The following TP63 variants were observed in gnomAD, a reference collection of about 807,000 sequenced individuals.
The protein encoded by TP63 is tumor protein 63.
Under a neutral mutation model 82.8 loss-of-function variants are expected in TP63, and 17 were observed. The ratio of observed to expected loss-of-function variants is 0.21; its 90% CI spans 0.14 to 0.31. The LOEUF is 0.31. Among genes scored for constraint, TP63 ranks in the 10% least tolerant of loss-of-function variants. TP63 has a pLI of 1.00. For missense variants in TP63, 648 were observed against 895.3 expected, an observed-to-expected ratio of 0.72 and a Z score of 3.52; for synonymous variants, 330 against 321.7, an observed-to-expected ratio of 1.03 and a Z score of -0.28.
intron 9 of TP63, among the ~76,000 whole-genome samples, chr3:189,870,314 GA>G (rs1235426527): frequency 6.6e-6 from 1 of 151,400 alleles, no homozygotes; most frequent in South Asian, 2.1e-4. Flanking sequence ...AAAATAGTTG[GA>G]AAAAAACAAT....
intron 1 of TP63, among the ~76,000 whole-genome samples, chr3:189,694,135 C>T (rs926405508): frequency 5.3e-5 from 8 of 152,106 alleles, no homozygotes; most frequent in Non-Finnish European, 1.2e-4. Context: ...ATAGTATATC[C>T]TTCACTTCCT....
chr3:189,829,158 A>G (rs1158418838), intron 4 of TP63, among the ~76,000 whole-genome samples: 2 of 152,234 alleles, frequency 1.3e-5, no homozygotes, highest in East Asian at 1.9e-4. Context: ...GGCAGATACC[A>G]TATTACCAAA....
chr3:189,840,502 G>A (rs1577077153), intron 4 of TP63, among the ~76,000 whole-genome samples: 1 of 151,010 alleles, frequency 6.6e-6, no homozygotes, highest in South Asian at 2.1e-4. Flanking sequence ...CAGAGAGAGA[G>A]ATGGGAGAGG....
chr3:189,616,480 TG>T, the TP63 span, among the ~76,000 whole-genome samples: 3 of 152,244 alleles, frequency 2.0e-5, no homozygotes, highest in Non-Finnish European at 2.9e-5. Flanking sequence ...CAGATACAGC[TG>T]GTTGTCTTTG....
chr3:189,848,104 C>A (rs2108757997), intron 4 of TP63, among the ~76,000 whole-genome samples: 1 of 152,296 alleles, frequency 6.6e-6, no homozygotes, highest in East Asian at 1.9e-4. Flanking sequence ...TTGAGCAAAT[C>A]TCTTCTCCTT....
chr3:189,856,030 G>C (rs1716252925), intron 4 of TP63, among the ~76,000 whole-genome samples: 1 of 151,640 alleles, frequency 6.6e-6, no homozygotes, highest in Non-Finnish European at 1.5e-5. Flanking sequence ...CAATGGGCTG[G>C]CATAATCAAA....
intron 4 of TP63, among the ~76,000 whole-genome samples, chr3:189,835,385 G>A (rs1051324459): frequency 2.0e-5 from 3 of 152,234 alleles, no homozygotes; most frequent in Middle Eastern, 3.4e-3. Context: ...TAACTGTATC[G>A]TTTTTACTTT....
chr3:189,695,445 G>A (rs181647362), intron 1 of TP63, among the ~76,000 whole-genome samples: 1 of 152,282 alleles, frequency 6.6e-6, no homozygotes, highest in East Asian at 1.9e-4. Context: ...CATAGAAGCA[G>A]CTACTTATCC....
At chr3:189,602,114 C>T in the TP63 span, among the ~76,000 whole-genome samples, 1 of 152,160 alleles carries the variant, frequency 6.6e-6, no homozygotes, top group Non-Finnish European at 1.5e-5. Flanking sequence ...CTACATCTCT[C>T]CTCTCTTCTC....
chr3:189,866,801 A>T lies in TP63; in HGVS notation c.882+4A>T. On this transcript the variant is annotated splice_donor_region_variant and intron_variant, in intron 6 of 13. Transcript: ENST00000264731. ...GGTACCTTATGAGCCACCCCAGGTAAAAAGCAAAAAACCAAACCAAAAAAC... is the reference window on the plus strand; with the variant it reads ...GGTACCTTATGAGCCACCCCAGGTATAAAGCAAAAAACCAAACCAAAAAAC... 1 of 1,613,988 alleles carries T rather than the reference A, an allele frequency of 6.2e-7. No individual in the cohort carries two copies.
At chr3:189,882,329 T>G (rs1720003605) in intron 10 of TP63, among the ~76,000 whole-genome samples, 1 of 152,164 alleles carries the variant, frequency 6.6e-6, no homozygotes, top group African/African-American at 2.4e-5. Context: ...AAATTACAGT[T>G]TTCCCATCTA....
At chr3:189,836,868 A>G (rs1247255648) in intron 4 of TP63, among the ~76,000 whole-genome samples, 1 of 152,206 alleles carries the variant, frequency 6.6e-6, no homozygotes, top group Admixed American at 6.5e-5. Context: ...GCTAATAATA[A>G]TCCCTTTCTG....
intron 11 of TP63, among the ~76,000 whole-genome samples, chr3:189,888,160 A>C (rs1443060168): frequency 6.6e-6 from 1 of 151,972 alleles, no homozygotes; most frequent in East Asian, 1.9e-4. Context: ...GCCTGGCCAC[A>C]CATTCATATT....
rs1037413981 is a variant in TP63, at chr3:189,652,367, C to G, written c.62+20790C>G. Among the ~76,000 whole-genome samples the G allele has an allele frequency of 5.4e-5, 8 of 147,056 alleles. 1 individual carries two copies. The highest frequency in any genetic ancestry group is 1.2e-4 in the Non-Finnish European group (8 of 67,272). The stretch of plus-strand genomic sequence containing the variant: ...ATTTAAGGACTGCCCTGTTGGATTT[C>G]AACCTTGCATGGGGCCTATAGCTCC... On this transcript the variant is annotated intron_variant, in intron 1 of 13. Transcript: ENST00000264731.
intron 3 of TP63, among the ~76,000 whole-genome samples, chr3:189,770,537 C>G (rs139742420): frequency 2.0e-5 from 3 of 151,548 alleles, no homozygotes; most frequent in African/African-American, 7.3e-5. Context: ...TGCACTCCAG[C>G]CTGGCCAACA....
At chr3:189,811,201 A>G (rs774321464) in intron 4 of TP63, among the ~76,000 whole-genome samples, 18 of 152,306 alleles carry the variant, frequency 1.2e-4, no homozygotes, top group East Asian at 3.9e-4. Context: ...CAGATGAGAA[A>G]GAGGATGAGA....
upstream of TP63, among the ~76,000 whole-genome samples, chr3:189,628,576 A>G (rs907092986): frequency 6.6e-6 from 1 of 152,060 alleles, no homozygotes; most frequent in African/African-American, 2.4e-5. Flanking sequence ...CTTCACAAAC[A>G]TCATTTAAAC....
At chr3:189,765,140 G>T (rs1259227470) in intron 3 of TP63, among the ~76,000 whole-genome samples, 1 of 151,932 alleles carries the variant, frequency 6.6e-6, no homozygotes, top group African/African-American at 2.4e-5. Context: ...ATTTAACCAA[G>T]ATATTTTATT....
intron 3 of TP63, among the ~76,000 whole-genome samples, chr3:189,745,599 C>T (rs1482434724): frequency 6.9e-6 from 1 of 145,324 alleles, no homozygotes; most frequent in African/African-American, 2.6e-5. Flanking sequence ...CCCAGCTACT[C>T]GGGAGGCTGA....
Sources: allele counts gnomAD v4.1 joint callset (sites outside exome capture counted in the v4.1 genomes callset), GRCh38; gene constraint gnomAD v4.1.1; transcripts MANE v1.5; gene names NCBI Gene and HGNC (gene_info 2026-07-23, HGNC 2026-07-21).